Variants in WDR3 observed in about 807,000 individuals in gnomAD.
The protein encoded by WDR3 is WD repeat-containing protein 3.
A neutral mutation model predicts 123.7 loss-of-function variants in WDR3; 81 were observed. The observed-to-expected ratio is 0.65, with a 90% confidence interval of 0.55 to 0.79. WDR3 has a LOEUF of 0.79. Ranked by LOEUF, WDR3 falls within the 30% of genes least tolerant of loss-of-function variation. The pLI is 0.00. For missense variants in WDR3, 1,027 were observed against 1,123.2 expected, an observed-to-expected ratio of 0.91 and a Z score of 1.22; for synonymous variants, 390 against 388.8, an observed-to-expected ratio of 1.00 and a Z score of -0.04.
intron 13 of WDR3, 60 bp downstream of exon 13, chr1:117,948,566 C>G: frequency 7.8e-7 from 1 of 1,289,490 alleles, no homozygotes; most frequent in African/African-American, 1.5e-5. Flanking sequence ...TGATTTCTCT[C>G]AGGGTTTCTT....
At chr1:117,936,535 T>C (rs1006572013) in intron 3 of WDR3, among the ~76,000 whole-genome samples, 1 of 152,166 alleles carries the variant, frequency 6.6e-6, no homozygotes, top group African/African-American at 2.4e-5. Context: ...AGTCTTCTAA[T>C]AGGAAAATAA....
rs1276338995 is a variant in WDR3, at chr1:117,964,566, G to A, written c.*5119G>A. ...TCATTACTCAAAGGAAGAGAAAAAG[G>A]GAGGGGAGGAAGGTGAGAGGAAGGG... On this transcript the variant is annotated 3_prime_UTR_variant, in exon 27 of 27. Coordinates refer to ENST00000349139, the MANE Select transcript of WDR3 (RefSeq NM_006784.3). 1 of 152,044 alleles carries A rather than the reference G, an allele frequency of 6.6e-6. No individual in the cohort carries two copies. The highest frequency in any genetic ancestry group is 6.6e-5 in the Admixed American group (1 of 15,266). The allele number at this position is 152,044 out of a possible 1,614,324, so 9.4% of individuals were successfully genotyped here.
At chr1:117,937,091 A>G (rs1650969005) in intron 4 of WDR3, among the ~76,000 whole-genome samples, 1 of 151,960 alleles carries the variant, frequency 6.6e-6, no homozygotes, top group Admixed American at 6.6e-5. Context: ...CATTTTTCTA[A>G]TTTGTCATTC....
Position 117,952,614 on chromosome 1 carries a change from T to C in WDR3, c.2103T>C (p.Leu701=), listed in dbSNP as rs1651670817. The C allele has an allele frequency of 4.3e-6, 7 of 1,613,594 alleles. No homozygotes were observed. The highest frequency in any genetic ancestry group is 5.9e-6 in the Non-Finnish European group (7 of 1,179,620). ...CGTCCCATGACAAATCTCTGAGACT[T>C]TGGGAGAGAACAAGGGAGCCTCTTA... ...VSSSHDKSLR[L]WERTREPLIL... Residue 701 remains leucine, a synonymous_variant, in exon 19 of 27, where the codon CTT becomes CTC. Transcript: ENST00000349139.
intron 17 of WDR3, 48 bp downstream of exon 17, chr1:117,952,124 A>G (rs922848073): frequency 4.4e-6 from 7 of 1,577,996 alleles, no homozygotes; most frequent in Non-Finnish European, 6.1e-6. Flanking sequence ...CCTGTAAGTT[A>G]TCACTTTCCT....
chr1:117,940,851 C>G lies in WDR3; in HGVS notation c.700C>G (p.Pro234Ala), dbSNP rs3738420. ...QEIEDPEEPD[P>A]KKIKGSSPGI... is the part of the protein sequence containing the mutation. ...GATTGAAGACCCGGAAGAACCAGAC[C>G]CCAAGAAAATCAAAGGATCTTCTCC... Residue 234 changes from proline to alanine, a missense_variant, in exon 7 of 27, where the codon CCC (proline) becomes GCC (alanine). Pro to Ala is a conservative substitution (Grantham distance 27). Coordinates refer to ENST00000349139, the MANE Select transcript of WDR3 (RefSeq NM_006784.3). The G allele has an allele frequency of 0.013, 21,632 of 1,613,292 alleles. 541 individuals carry two copies. The highest frequency in any genetic ancestry group is 0.085 in the South Asian group (7,692 of 90,850).
intron 18 of WDR3, 56 bp from the exon 19 acceptor site, chr1:117,952,472 C>T (rs1465531677): frequency 2.5e-5 from 40 of 1,596,572 alleles, no homozygotes; most frequent in Non-Finnish European, 3.2e-5. Context: ...ATTTACATTA[C>T]CCACTAAGTA....
chr1:117,939,279 A>G (rs531308946), intron 5 of WDR3, among the ~76,000 whole-genome samples, 198 bp from the exon 6 acceptor site: 4 of 152,256 alleles, frequency 2.6e-5, no homozygotes, highest in East Asian at 1.9e-4. Flanking sequence ...AAAAGTAACA[A>G]TTTCACCGCA....
chr1:117,955,181 C>A, intron 23 of WDR3, 134 bp from the exon 24 acceptor site: 1 of 667,620 alleles, frequency 1.5e-6, no homozygotes, highest in Non-Finnish European at 2.5e-6. Context: ...TAAACTCATG[C>A]AGATCTTGCC....
At chr1:117,942,742 C>A (rs866399691) in intron 10 of WDR3, among the ~76,000 whole-genome samples, 198 bp downstream of exon 10, 3 of 151,992 alleles carry the variant, frequency 2.0e-5, no homozygotes, top group Admixed American at 6.6e-5. Flanking sequence ...ATTATAGTAC[C>A]CTTTTTAGCT....
chr1:117,961,567 ATGGTTTC>A lies in WDR3; in HGVS notation c.*2123_*2129del, dbSNP rs1210645892. The A allele has an allele frequency of 6.6e-6, 1 of 152,162 alleles. No individual in the cohort carries two copies. Among genetic ancestry groups the A allele is most frequent in the Non-Finnish European group, 1.5e-5 (1 of 68,028 alleles). 9.4% of individuals were successfully genotyped at this position (152,162 alleles called of 1,614,324 possible). On this transcript the variant is annotated 3_prime_UTR_variant, in exon 27 of 27. Coordinates refer to ENST00000349139, the MANE Select transcript of WDR3 (RefSeq NM_006784.3). ...TTGTTAATCCCAAAGATTTAAAACT[ATGGTTTC>A]TGTCTGAATTTGGTCATTGCAACCA...
chr1:117,959,261 AT>A (rs757829055), intron 26 of WDR3, 30 bp from the exon 27 acceptor site: 12 of 1,593,584 alleles, frequency 7.5e-6, no homozygotes, highest in Non-Finnish European at 8.5e-6. Flanking sequence ...GTGGGAGAAA[AT>A]TTTTTAATAT....
At chr1:117,945,376 G>GACT (rs1651338358) in intron 11 of WDR3, among the ~76,000 whole-genome samples, 1 of 152,104 alleles carries the variant, frequency 6.6e-6, no homozygotes, top group Non-Finnish European at 1.5e-5. Context: ...CCTTTCTTAT[G>GACT]GCTGTTGTGC....
At chr1:117,941,952 A>G in intron 9 of WDR3, 105 bp downstream of exon 9, 7 of 1,435,824 alleles carry the variant, frequency 4.9e-6, no homozygotes, top group Non-Finnish European at 6.3e-6. Context: ...ATCAATTACC[A>G]TTAAAAGTTA....
Position 117,952,408 on chromosome 1 carries a change from G to A in WDR3, c.2016G>A (p.Glu672=). 1 of 1,610,544 alleles carries A rather than the reference G, an allele frequency of 6.2e-7. No homozygotes were observed. Among genetic ancestry groups the A allele is most frequent in the African/African-American group, 1.3e-5 (1 of 74,876 alleles). Residue 672 remains glutamate (E), a splice_region_variant and synonymous_variant, in exon 18 of 27, where the codon GAG becomes GAA. Transcript: ENST00000349139. ...AATTTGAACACATACAGACTCTGGAGGTAACCACATGCCTTCTGTGCTTGC... is the reference window on the plus strand; with the variant it reads ...AATTTGAACACATACAGACTCTGGAAGTAACCACATGCCTTCTGTGCTTGC... ...ADKFEHIQTL[E]GHHQEIWCLA...
chr1:117,934,416 T>C lies in WDR3; in HGVS notation c.172-57T>C. The C allele has an allele frequency of 3.9e-6, 6 of 1,558,326 alleles. 1 individual carries two copies. The Middle Eastern group carries it at 9.0e-4, about 234-fold the overall frequency. ...TACTGTGCCTGAGTATTCCTATGCT[T>C]TTCCCTTGAGTTCATGCTTAACTCT... On this transcript the variant is annotated intron_variant, in intron 2 of 26. Coordinates refer to ENST00000349139, the MANE Select transcript of WDR3 (RefSeq NM_006784.3).
chr1:117,940,669 A>T (rs1380218033), intron 6 of WDR3, among the ~76,000 whole-genome samples, 158 bp from the exon 7 acceptor site: 1 of 152,184 alleles, frequency 6.6e-6, no homozygotes, highest in African/African-American at 2.4e-5. Context: ...TCAAGGCTGC[A>T]GTGAGATGTG....
intron 15 of WDR3, 139 bp downstream of exon 15, chr1:117,950,269 T>C (rs1651563749): frequency 3.7e-6 from 4 of 1,072,846 alleles, no homozygotes; most frequent in Non-Finnish European, 5.3e-6. Flanking sequence ...ATCAAAGCAA[T>C]GTAACTATGC....
At chr1:117,952,476 C>T in intron 18 of WDR3, 52 bp from the exon 19 acceptor site, 1 of 1,599,904 alleles carries the variant, frequency 6.3e-7, no homozygotes, top group African/African-American at 1.3e-5. Flanking sequence ...ACATTACCCA[C>T]TAAGTAGTGG....
Sources: allele counts gnomAD v4.1 joint callset (sites outside exome capture counted in the v4.1 genomes callset), GRCh38; gene constraint gnomAD v4.1.1; transcripts MANE v1.5; gene names NCBI Gene and HGNC (gene_info 2026-07-23, HGNC 2026-07-21).